Variants in CRACD observed in about 807,000 individuals in gnomAD.
CRACD encodes the protein capping protein-inhibiting regulator of actin dynamics.
Under a neutral mutation model 106.8 loss-of-function variants are expected in CRACD, and 56 were observed. The observed-to-expected ratio is 0.52, with a 90% CI of 0.42 to 0.66. CRACD has a LOEUF of 0.66. Among genes scored for constraint, CRACD ranks in the 30% least tolerant of loss-of-function variants. The pLI, the probability that CRACD is intolerant of heterozygous loss-of-function variation, is 0.00. For synonymous variants in CRACD, 754 were observed against 670.8 expected (o/e 1.12, Z -1.92); for missense variants, 1,730 against 1,623.2 (o/e 1.07, Z -1.13).
intron 1 of CRACD, among the ~76,000 whole-genome samples, chr4:56,067,538 T>C (rs1732501422): frequency 6.6e-6 from 1 of 152,212 alleles, no homozygotes; most frequent in South Asian, 2.1e-4. Context: ...GAAAAACAGG[T>C]CTTGGTTCTG....
chr4:56,314,488 CGGA>C lies in CRACD; in HGVS notation c.991_993del (p.Glu331del), dbSNP rs1560534655. 6.6e-7 allele frequency: 1 copy of C among 1,523,520 alleles called. No individual in the cohort carries two copies. Among genetic ancestry groups the C allele is most frequent in the South Asian group, 1.2e-5 (1 of 80,574 alleles). The allele number at this position is 1,523,520 out of a possible 1,614,324, so 94.4% of individuals were successfully genotyped here. A position where few individuals can be genotyped will look rare whatever the true frequency, so the allele number is the denominator to read the frequency against. ...AGGCGTCTGCAGGCCCAGGCCCAAG[CGGA>C]GGAGAGGCGGCGGCTGGAGGAGGAC... On this transcript the variant is annotated inframe_deletion, in exon 8 of 11. Coordinates refer to ENST00000682029, the MANE Select transcript of CRACD (RefSeq NM_001393381.1). The surrounding 1 kb of genome is among the most constrained non-coding windows in gnomAD (Gnocchi z 4.4).
At chr4:56,114,271 G>A (rs1289755494) in intron 1 of CRACD, among the ~76,000 whole-genome samples, 1 of 151,298 alleles carries the variant, frequency 6.6e-6, no homozygotes, top group South Asian at 2.1e-4. Context: ...CATAAGAACC[G>A]GGCCTGCAAG....
At chr4:56,132,031 T>C (rs562255813) in intron 1 of CRACD, among the ~76,000 whole-genome samples, 1 of 152,292 alleles carries the variant, frequency 6.6e-6, no homozygotes, top group East Asian at 1.9e-4. Context: ...GTGAAGAATA[T>C]GGCTATACAT....
intron 2 of CRACD, among the ~76,000 whole-genome samples, chr4:56,240,846 T>C (rs1441040779): frequency 6.6e-6 from 1 of 152,212 alleles, no homozygotes; most frequent in Admixed American, 6.5e-5. Context: ...CTTAAACTTA[T>C]TTCAGAAACT....
rs114557337 is a variant in CRACD, at chr4:56,202,779, T to C, written c.-189+23349T>C. 7.3e-3 allele frequency among the ~76,000 whole-genome samples: 1,116 copies of C among 152,320 alleles called. 12 individuals carry two copies. The highest frequency in any genetic ancestry group is 0.024 in the African/African-American group (1,016 of 41,574). ...TAACTTTTATTTTTTCTAATAAAAG[T>C]ATTTTATGATCACTATAAAACATTT... On this transcript the variant is annotated intron_variant, in intron 2 of 10. Coordinates refer to ENST00000682029, the MANE Select transcript of CRACD (RefSeq NM_001393381.1).
chr4:56,294,883 C>A (rs1444808758), intron 3 of CRACD, among the ~76,000 whole-genome samples: 4 of 134,480 alleles, frequency 3.0e-5, no homozygotes, highest in Non-Finnish European at 6.1e-5. Flanking sequence ...CACTGCACTC[C>A]AGCCTGGGTA....
chr4:56,315,038 C>A lies in CRACD; in HGVS notation c.1536C>A (p.Ala512=). The A allele has an allele frequency of 1.2e-6, 2 of 1,603,108 alleles. No homozygotes were observed. The highest frequency in any genetic ancestry group is 1.1e-5 in the South Asian group (1 of 88,676). The change falls in exon 8 of 11, where the codon GCC becomes GCA. Residue 512 remains alanine, a synonymous_variant. Coordinates refer to ENST00000682029, the MANE Select transcript of CRACD (RefSeq NM_001393381.1). The surrounding 1 kb of genome is among the most constrained non-coding windows in gnomAD (Gnocchi z 4.1). ...CGGTGGAGAGGAAAGAAGCCGCCGC[C>A]CTTGAACAAGGCCGCAAGGTGGAGG... is the stretch of plus-strand genomic sequence containing the variant. ...QPPVERKEAA[A]LEQGRKVEEL...
chr4:56,263,333 A>T (rs1741815542), intron 2 of CRACD, among the ~76,000 whole-genome samples: 1 of 152,212 alleles, frequency 6.6e-6, no homozygotes, highest in Non-Finnish European at 1.5e-5. Flanking sequence ...CTTAAATGTC[A>T]CACAACTATA....
chr4:56,061,576 G>T (rs911793649), intron 1 of CRACD, among the ~76,000 whole-genome samples: 2 of 152,198 alleles, frequency 1.3e-5, no homozygotes, highest in South Asian at 4.1e-4. Context: ...AGGCACTGTC[G>T]TGGGTATTGA....
chr4:56,234,647 G>A (rs1739855062), intron 2 of CRACD, among the ~76,000 whole-genome samples: 1 of 152,156 alleles, frequency 6.6e-6, no homozygotes, highest in Non-Finnish European at 1.5e-5. Flanking sequence ...AATGATTAAA[G>A]AGTCAACCAA....
chr4:56,324,641 A>G (rs1746314412), intron 10 of CRACD, among the ~76,000 whole-genome samples: 1 of 152,240 alleles, frequency 6.6e-6, no homozygotes. Flanking sequence ...AGTATGAGCC[A>G]TCTCCAGCAC....
intron 1 of CRACD, among the ~76,000 whole-genome samples, chr4:56,146,231 G>C (rs1376507498): frequency 6.6e-6 from 1 of 151,934 alleles, no homozygotes; most frequent in East Asian, 1.9e-4. Context: ...ATTTACAGTT[G>C]ATTAGATATA....
chr4:56,293,531 GA>G (rs1423988628), intron 3 of CRACD, among the ~76,000 whole-genome samples: 3 of 152,210 alleles, frequency 2.0e-5, no homozygotes, highest in African/African-American at 7.2e-5. Flanking sequence ...ATAAAGAAAA[GA>G]GGTTTAATTG....
intron 4 of CRACD, among the ~76,000 whole-genome samples, chr4:56,307,173 T>C (rs1560528782): frequency 6.6e-6 from 1 of 152,174 alleles, no homozygotes; most frequent in African/African-American, 2.4e-5. Flanking sequence ...AAGAGACTTT[T>C]TATGTAAATG....
intron 1 of CRACD, among the ~76,000 whole-genome samples, chr4:56,110,243 G>A (rs10001844): frequency 0.47 from 71,532 of 152,010 alleles, 18,018 homozygotes; most frequent in African/African-American, 0.65. Context: ...TGAGGGAAGT[G>A]TTTTCAACCG....
At chr4:56,102,505 T>G (rs17799799) in intron 1 of CRACD, among the ~76,000 whole-genome samples, 20,692 of 152,130 alleles carry the variant, frequency 0.14, 1,466 homozygotes, top group East Asian at 0.25. Flanking sequence ...TAGTCTTCCT[T>G]TTATACCAAA....
chr4:56,080,787 C>T (rs1046184459), intron 1 of CRACD, among the ~76,000 whole-genome samples: 1 of 152,156 alleles, frequency 6.6e-6, no homozygotes, highest in Non-Finnish European at 1.5e-5. Flanking sequence ...GTGACGAGAC[C>T]TAAAATATTC....
chr4:56,313,067 C>T (rs1745256944), intron 6 of CRACD, 130 bp from the exon 7 acceptor site: 1 of 752,538 alleles, frequency 1.3e-6, no homozygotes, highest in South Asian at 1.7e-5. Context: ...CTGAGGAGTT[C>T]CCTCTGCTCA....
At chr4:56,125,751 T>C (rs1342874692) in intron 1 of CRACD, among the ~76,000 whole-genome samples, 1 of 149,588 alleles carries the variant, frequency 6.7e-6, no homozygotes, top group Admixed American at 6.7e-5. Context: ...AATCTATTAC[T>C]GTCATTCTTC....
Sources: allele counts gnomAD v4.1 joint callset (sites outside exome capture counted in the v4.1 genomes callset), GRCh38; gene constraint gnomAD v4.1.1; non-coding constraint Gnocchi (gnomAD v3.1); transcripts MANE v1.5; gene names NCBI Gene and HGNC (gene_info 2026-07-23, HGNC 2026-07-21).